Variants in KSR1 observed in about 807,000 individuals in gnomAD.
KSR1 encodes the protein kinase suppressor of ras.
KSR1 carries 35 observed loss-of-function variants against 92.9 expected under a neutral mutation model. The ratio of observed to expected loss-of-function variants is 0.38; its 90% CI spans 0.29 to 0.50. The LOEUF (loss-of-function observed/expected upper bound fraction) is 0.50, where lower values mean the gene tolerates loss of function less well. KSR1 is among the 20% of genes least tolerant of loss of function. The probability of loss-of-function intolerance (pLI) is 0.94; values close to 1 mark genes in which losing one functional copy is unlikely to be tolerated. For missense variants in KSR1, 972 were observed against 1,158.5 expected, an observed-to-expected ratio of 0.84 and a Z score of 2.34; for synonymous variants, 467 against 472.6, an observed-to-expected ratio of 0.99 and a Z score of 0.15.
At chr17:27,507,304 G>C (rs976209281) in intron 1 of KSR1, among the ~76,000 whole-genome samples, 2 of 151,898 alleles carry the variant, frequency 1.3e-5, no homozygotes, top group East Asian at 3.9e-4. Flanking sequence ...CTGGTGGCAG[G>C]GGCCTGTAAT....
rs117059040 is a variant in KSR1 at position 27,557,973 on chromosome 17, C to A, written c.372+7265C>A. 2.3e-3 allele frequency: 354 copies of A among 152,714 alleles called. 2 individuals are homozygous for A. Among genetic ancestry groups the A allele is most frequent in the Non-Finnish European group, 4.1e-3 (279 of 68,030 alleles). The allele number at this position is 152,714 out of a possible 1,614,324, so 9.5% of individuals were successfully genotyped here. A position where few individuals can be genotyped will look rare whatever the true frequency, so the allele number is the denominator to read the frequency against. Reference sequence around the variant, plus strand: ...TTTTTACTCCTGTATTCTGTGCCCCCGAGTCAGGCTTTTCTTCCATGGATT... The same window carrying A: ...TTTTTACTCCTGTATTCTGTGCCCCAGAGTCAGGCTTTTCTTCCATGGATT... On this transcript the variant is annotated intron_variant, in intron 2 of 20. Coordinates refer to ENST00000644974, the MANE Select transcript of KSR1 (RefSeq NM_001394583.1).
rs2071725030 is a variant in KSR1 at position 27,559,180 on chromosome 17, C to T, written c.372+8472C>T. ...ACATGGATGTGGTCACACAGTACGG[C>T]AGCTGCATTTCCAGGTTCCTGGTGT... On this transcript the variant is annotated intron_variant, in intron 2 of 20. Transcript: ENST00000644974. The surrounding 1 kb of genome is among the most constrained non-coding windows in gnomAD (Gnocchi z 4.2). Among the ~76,000 whole-genome samples, 1 of 152,220 alleles carries T rather than the reference C, an allele frequency of 6.6e-6. No homozygotes were observed. The highest frequency in any genetic ancestry group is 2.4e-5 in the African/African-American group (1 of 41,456).
intron 2 of KSR1, among the ~76,000 whole-genome samples, chr17:27,556,776 T>C (rs763044420): frequency 2.0e-5 from 3 of 152,174 alleles, no homozygotes; most frequent in African/African-American, 4.8e-5. Context: ...GATTCCAGCC[T>C]GCCCTAGTCC....
chr17:27,588,818 G>C (rs1218948976), intron 6 of KSR1, among the ~76,000 whole-genome samples: 1 of 152,182 alleles, frequency 6.6e-6, no homozygotes, highest in Non-Finnish European at 1.5e-5. Flanking sequence ...GGAGAAATAA[G>C]GTCAGGGTCA....
intron 9 of KSR1, among the ~76,000 whole-genome samples, chr17:27,595,859 G>T (rs975664371): frequency 7.9e-4 from 120 of 152,064 alleles, no homozygotes; most frequent in African/African-American, 2.9e-3. Context: ...ATGGCCACAG[G>T]CATCCTGAAG....
chr17:27,560,556 A>G (rs895329096), intron 2 of KSR1: 35 of 509,222 alleles, frequency 6.9e-5, no homozygotes, highest in Admixed American at 6.3e-4. Flanking sequence ...TCTCCCAGAG[A>G]TGGGGGACAA....
chr17:27,476,355 C>G (rs533053477), intron 1 of KSR1, among the ~76,000 whole-genome samples: 2 of 152,216 alleles, frequency 1.3e-5, no homozygotes, highest in Admixed American at 6.5e-5. Flanking sequence ...GTTGCCACCC[C>G]CTCCTGAGGG....
chr17:27,473,428 G>A (rs1269166073), intron 1 of KSR1, among the ~76,000 whole-genome samples: 1 of 152,204 alleles, frequency 6.6e-6, no homozygotes, highest in Non-Finnish European at 1.5e-5. Context: ...TGGGGATCTG[G>A]ATTAACAGGT....
At chr17:27,480,797 G>A (rs1221988807) in intron 1 of KSR1, among the ~76,000 whole-genome samples, 1 of 152,220 alleles carries the variant, frequency 6.6e-6, no homozygotes, top group African/African-American at 2.4e-5. Flanking sequence ...AAGGCCTAGT[G>A]CAGTTTGACA....
chr17:27,572,680 C>T (rs2072356489), intron 2 of KSR1, among the ~76,000 whole-genome samples: 1 of 152,184 alleles, frequency 6.6e-6, no homozygotes, highest in Admixed American at 6.5e-5. Context: ...AACTGATTCC[C>T]TAATTTGTTT....
At chr17:27,563,981 CTTTTTTTTTTT>C (rs200904358) in intron 2 of KSR1, among the ~76,000 whole-genome samples, 14 of 46,892 alleles carry the variant, frequency 3.0e-4, no homozygotes, top group Admixed American at 2.3e-3. Flanking sequence ...TATTCGGTAG[CTTTTTTTTTTT>C]TTTTTTTTTT....
At chr17:27,548,960 T>C (rs1251167963) in intron 1 of KSR1, among the ~76,000 whole-genome samples, 2 of 152,192 alleles carry the variant, frequency 1.3e-5, no homozygotes, top group African/African-American at 2.4e-5. Context: ...TGGCTAAGCA[T>C]CCCAAACCCA....
At chr17:27,486,174 C>T (rs573912198) in intron 1 of KSR1, among the ~76,000 whole-genome samples, 1 of 152,250 alleles carries the variant, frequency 6.6e-6, no homozygotes, top group South Asian at 2.1e-4. Flanking sequence ...GCTTTCTTAA[C>T]TTCCCCTGGC....
At chr17:27,594,730 G>A (rs555245173) in intron 9 of KSR1, among the ~76,000 whole-genome samples, 21 of 152,020 alleles carry the variant, frequency 1.4e-4, no homozygotes, top group African/African-American at 5.1e-4. Context: ...CTCTTTTCCC[G>A]CTACCTGCCC....
intron 4 of KSR1, among the ~76,000 whole-genome samples, chr17:27,584,793 G>A (rs1292522276): frequency 6.6e-6 from 1 of 152,176 alleles, no homozygotes; most frequent in Non-Finnish European, 1.5e-5. Context: ...GCTTCCTCCA[G>A]CTCCATGTGT....
chr17:27,476,731 T>A (rs1056912167), intron 1 of KSR1, among the ~76,000 whole-genome samples: 1 of 152,168 alleles, frequency 6.6e-6, no homozygotes, highest in African/African-American at 2.4e-5. Context: ...TGAGGACATT[T>A]GTAACTGCAG....
chr17:27,568,493 C>T (rs2072173444), intron 2 of KSR1, among the ~76,000 whole-genome samples: 1 of 152,222 alleles, frequency 6.6e-6, no homozygotes, highest in South Asian at 2.1e-4. Context: ...AGCTCTTGCC[C>T]TGTGCATGTG....
In KSR1 at chr17:27,593,697, C is replaced by G. The variant is rs193262934; in HGVS notation, c.1299+1071C>G. On this transcript the variant is annotated intron_variant, in intron 9 of 20. Transcript: ENST00000644974. Reference sequence around the variant, plus strand: ...GTTTCCCTCTGGTGGTAGCTTCTCACCCAGAATGGGGAGGCAGCGGGAAAG... The same window carrying G: ...GTTTCCCTCTGGTGGTAGCTTCTCAGCCAGAATGGGGAGGCAGCGGGAAAG... Among the ~76,000 whole-genome samples the G allele has an allele frequency of 3.8e-3, 579 of 152,350 alleles. 8 individuals carry two copies. Among genetic ancestry groups the G allele is most frequent in the African/African-American group, 0.013 (546 of 41,572 alleles).
intron 1 of KSR1, among the ~76,000 whole-genome samples, chr17:27,480,957 A>G (rs1486011799): frequency 6.6e-6 from 1 of 152,118 alleles, no homozygotes; most frequent in Non-Finnish European, 1.5e-5. Context: ...GGCCTCTGTG[A>G]TTAAGGTTTC....
Sources: gnomAD v4.1 joint callset for allele counts (sites outside exome capture counted in the v4.1 genomes callset) on GRCh38, gnomAD v4.1.1 for gene constraint, Gnocchi (gnomAD v3.1) non-coding constraint, MANE v1.5 for transcripts, NCBI Gene and HGNC (gene_info 2026-07-23, HGNC 2026-07-21) for gene names.